Variants in ANKRD11 observed in about 807,000 individuals in gnomAD.
ANKRD11 encodes ankyrin repeat domain 11, also known as ankyrin repeat domain-containing protein 11.
ANKRD11 carries 17 observed loss-of-function variants against 195.7 expected under a neutral mutation model. That is an observed-to-expected ratio of 0.09 (90% CI 0.06 to 0.13). ANKRD11 has a LOEUF of 0.13. ANKRD11 is among the 10% of genes least tolerant of loss of function. The pLI is 1.00. For synonymous variants in ANKRD11, 1,953 were observed against 1,528.1 expected, an observed-to-expected ratio of 1.28 and a Z score of -6.49; for missense variants, 3,735 against 3,566.1, an observed-to-expected ratio of 1.05 and a Z score of -1.21.
chr16:89,296,001 T>TTTTTTTTTTTTTTTTTTTTC, intron 4 of ANKRD11, among the ~76,000 whole-genome samples: 1 of 128,136 alleles, frequency 7.8e-6, no homozygotes, highest in African/African-American at 3.0e-5. Flanking sequence ...TTTTTTTTTT[T>TTTTTTTTTTTTTTTTTTTTC]TTTTTGAGAC....
chr16:89,482,422 A>G (rs186694880), intron 1 of ANKRD11, among the ~76,000 whole-genome samples: 1 of 152,348 alleles, frequency 6.6e-6, no homozygotes, highest in Admixed American at 6.5e-5. Context: ...GAGATTAAGG[A>G]GACATGACAA....
chr16:89,443,688 G>A (rs1486184593), intron 1 of ANKRD11, among the ~76,000 whole-genome samples: 1 of 152,210 alleles, frequency 6.6e-6, no homozygotes, highest in East Asian at 1.9e-4. Context: ...TTGCAAGCAA[G>A]AGAAATGCAA....
intron 1 of ANKRD11, among the ~76,000 whole-genome samples, chr16:89,469,323 G>A (rs941590646): frequency 1.3e-5 from 2 of 152,104 alleles, no homozygotes; most frequent in African/African-American, 4.8e-5. Context: ...CCAGGTTCAA[G>A]AGATTCTCCA....
chr16:89,304,219 G>A (rs1391112445), intron 4 of ANKRD11, among the ~76,000 whole-genome samples: 3 of 152,224 alleles, frequency 2.0e-5, no homozygotes, highest in Non-Finnish European at 2.9e-5. Flanking sequence ...CACTGCAGAA[G>A]GCGCTGACCC....
intron 4 of ANKRD11, chr16:89,304,977 C>T: frequency 1.6e-6 from 1 of 635,808 alleles, no homozygotes; most frequent in Non-Finnish European, 2.6e-6. Flanking sequence ...TGTGTGGGAC[C>T]CAAGAGTGAA....
At chr16:89,344,512 T>C (rs1389399606) in intron 2 of ANKRD11, among the ~76,000 whole-genome samples, 1 of 152,166 alleles carries the variant, frequency 6.6e-6, no homozygotes, top group Non-Finnish European at 1.5e-5. Context: ...GAGGATAAAA[T>C]AATCCCATCT....
intron 2 of ANKRD11, among the ~76,000 whole-genome samples, chr16:89,319,143 G>C (rs72803338): frequency 6.6e-6 from 1 of 152,192 alleles, no homozygotes; most frequent in African/African-American, 2.4e-5. Flanking sequence ...ACCATGTAGA[G>C]TCCACCGTCC....
chr16:89,435,767 C>T (rs2043187623), intron 1 of ANKRD11, among the ~76,000 whole-genome samples: 1 of 149,236 alleles, frequency 6.7e-6, no homozygotes, highest in African/African-American at 2.5e-5. Flanking sequence ...AGGAACAGAC[C>T]AACTGACGCA....
At position 89,280,004 on chromosome 16, in the gene ANKRD11, A is replaced by C. The variant is rs866708710; in HGVS notation, c.6538T>G (p.Ser2180Ala). 6.2e-7 allele frequency: 1 copy of C among 1,612,356 alleles called. No homozygotes were observed. The highest frequency in any genetic ancestry group is 1.1e-5 in the South Asian group (1 of 91,078). The change falls in exon 9 of 13, where the codon TCC becomes GCC. Residue 2180 changes from serine (S) to alanine (A), a missense_variant. Physicochemically the swap from Ser to Ala is moderately conservative, Grantham distance 99. Transcript: ENST00000301030. The stretch of plus-strand genomic sequence containing the variant: ...GGCGGCTCCTCAGCCACTACGGTGG[A>C]AACATCCCCACCGTTTATGACCCCG... ...APGVINGGDV[S>A]TVVAEEPPAL...
At position 89,338,474 on chromosome 16, in the gene ANKRD11, A is replaced by T. The variant is rs1303035911; in HGVS notation, c.-59-21396T>A. ...CAGGCGCTGTGGCTCACACCTGTGT[A>T]ATCCCAGCACTTTGGGAGGCCGAGG... On this transcript the variant is annotated intron_variant, in intron 2 of 12. Transcript: ENST00000301030. Among the ~76,000 whole-genome samples, 7 of 151,804 alleles carry T rather than the reference A, an allele frequency of 4.6e-5. No homozygotes were observed. The East Asian group carries it at 1.2e-3, about 25-fold the overall frequency.
At chr16:89,315,110 G>A (rs1419280724) in intron 3 of ANKRD11, among the ~76,000 whole-genome samples, 1 of 152,156 alleles carries the variant, frequency 6.6e-6, no homozygotes, top group Non-Finnish European at 1.5e-5. Context: ...ACACTCTCGG[G>A]GTGAAACCAC....
At chr16:89,313,450 C>T (rs2036734300) in intron 3 of ANKRD11, 1 of 1,289,204 alleles carries the variant, frequency 7.8e-7, no homozygotes, top group South Asian at 1.2e-5. Flanking sequence ...GACACGCCTG[C>T]CACTGTGCTC....
chr16:89,338,021 G>A (rs1045674400), intron 2 of ANKRD11, among the ~76,000 whole-genome samples: 1 of 152,140 alleles, frequency 6.6e-6, no homozygotes. Context: ...ATCAGCTGGT[G>A]CCAGTATCAT....
At chr16:89,410,376 G>A (rs999752576) in intron 2 of ANKRD11, among the ~76,000 whole-genome samples, 3 of 152,220 alleles carry the variant, frequency 2.0e-5, no homozygotes, top group Admixed American at 1.3e-4. Context: ...AACAAAGGCT[G>A]ACTGTACCAA....
At chr16:89,318,800 G>A (rs1002318136) in intron 2 of ANKRD11, among the ~76,000 whole-genome samples, 6 of 152,222 alleles carry the variant, frequency 3.9e-5, no homozygotes, top group Non-Finnish European at 8.8e-5. Flanking sequence ...TGGAGAGAGG[G>A]ACAGGTCGGG....
chr16:89,331,855 T>TG (rs1423631945), intron 2 of ANKRD11, among the ~76,000 whole-genome samples: 1 of 152,184 alleles, frequency 6.6e-6, no homozygotes, highest in Non-Finnish European at 1.5e-5. Context: ...GCGGATGCAA[T>TG]GGTGTGGACT....
intron 1 of ANKRD11, chr16:89,459,015 C>G (rs754056313): frequency 1.3e-5 from 2 of 153,972 alleles, no homozygotes; most frequent in Non-Finnish European, 2.9e-5. Context: ...GTGAACTCTT[C>G]AAAAACTATA....
At position 89,288,686 on chromosome 16, in the gene ANKRD11, C is replaced by T. The variant is rs764829348; in HGVS notation, c.602-16G>A. The T allele has an allele frequency of 3.1e-6, 5 of 1,613,994 alleles. No homozygotes were observed. The South Asian group carries it at 5.5e-5, about 18-fold the overall frequency. Reference sequence around the variant, plus strand: ...GCCGTCCAGCCTGGAAACAGACACTCAGGACGTACGTTATTTAATCCTCAG... The same window carrying T: ...GCCGTCCAGCCTGGAAACAGACACTTAGGACGTACGTTATTTAATCCTCAG... On this transcript the variant is annotated splice_polypyrimidine_tract_variant and intron_variant, in intron 6 of 12. Transcript: ENST00000301030.
At chr16:89,378,540 G>A (rs1370659291) in intron 2 of ANKRD11, among the ~76,000 whole-genome samples, 2 of 152,180 alleles carry the variant, frequency 1.3e-5, no homozygotes, top group Non-Finnish European at 2.9e-5. Flanking sequence ...AAATGTACGT[G>A]CTATAAGGCT....
Sources: allele counts gnomAD v4.1 joint callset (sites outside exome capture counted in the v4.1 genomes callset), GRCh38; gene constraint gnomAD v4.1.1; transcripts MANE v1.5; gene names NCBI Gene and HGNC (gene_info 2026-07-23, HGNC 2026-07-21).